ZCCHC7: variants seen among roughly 807,000 people sequenced by gnomAD.
The protein encoded by ZCCHC7 is zinc finger CCHC domain-containing protein 7.
A neutral mutation model predicts 52.0 loss-of-function variants in ZCCHC7; 35 were observed. The ratio of observed to expected loss-of-function variants is 0.67; its 90% CI spans 0.51 to 0.89. The LOEUF (loss-of-function observed/expected upper bound fraction) is 0.89, where lower values mean the gene tolerates loss of function less well. Among genes scored for constraint, ZCCHC7 ranks in the 40% least tolerant of loss-of-function variants. The pLI is 0.00. For synonymous variants in ZCCHC7, 217 were observed against 221.5 expected, an observed-to-expected ratio of 0.98 and a Z score of 0.18; for missense variants, 574 against 649.1, an observed-to-expected ratio of 0.88 and a Z score of 1.26.
At chr9:37,225,806 A>G (rs1309821864) in intron 2 of ZCCHC7, among the ~76,000 whole-genome samples, 1 of 152,200 alleles carries the variant, frequency 6.6e-6, no homozygotes, top group Admixed American at 6.5e-5. Flanking sequence ...TCTTAATCCA[A>G]TTCAAGGACC....
intron 1 of ZCCHC7, among the ~76,000 whole-genome samples, chr9:37,123,781 A>T (rs1331520485): frequency 6.6e-6 from 1 of 152,238 alleles, no homozygotes. Context: ...TATTAAATAA[A>T]AAGGAAAGGA....
chr9:37,270,398 A>C lies in ZCCHC7; in HGVS notation c.611-31790A>C, dbSNP rs200593121. On this transcript the variant is annotated intron_variant, in intron 2 of 8. Transcript: ENST00000336755. ...CACATAAAGTCTTAGCATTGAAAAGACCTCCTAGGAGGCTGGGCGCGGTGG... is the reference window on the plus strand; with the variant it reads ...CACATAAAGTCTTAGCATTGAAAAGCCCTCCTAGGAGGCTGGGCGCGGTGG... Among the ~76,000 whole-genome samples, 13 of 151,872 alleles carry C rather than the reference A, an allele frequency of 8.6e-5. No individual in the cohort carries two copies. The East Asian group carries it at 2.3e-3, about 27-fold the overall frequency.
intron 2 of ZCCHC7, among the ~76,000 whole-genome samples, chr9:37,132,623 C>T (rs1670761326): frequency 6.6e-6 from 1 of 151,450 alleles, no homozygotes; most frequent in Non-Finnish European, 1.5e-5. Context: ...CCCTCAGTGT[C>T]TGTGGGGGAT....
rs769329648 is a variant in ZCCHC7 at position 37,357,232 on chromosome 9, CTT to C, written c.1597_1598del (p.Leu533IlefsTer4). ...GCTGGGAAGATGATGACAATGATAACTTATTTCTTATTAAGCAGAGAAAAAAA... is the reference window on the plus strand; with the variant it reads ...GCTGGGAAGATGATGACAATGATAACATTTCTTATTAAGCAGAGAAAAAAA... ...RCWEDDDNDN[L>X]FLIKQRKKKS On this transcript the variant is annotated frameshift_variant, in exon 9 of 9. Transcript: ENST00000336755. LOFTEE classifies it high-confidence loss of function. The C allele has an allele frequency of 1.2e-6, 2 of 1,604,970 alleles. No homozygotes were observed. The highest frequency in any genetic ancestry group is 1.7e-6 in the Non-Finnish European group (2 of 1,177,720).
chr9:37,224,507 A>G (rs927875289), intron 2 of ZCCHC7, among the ~76,000 whole-genome samples: 6 of 152,212 alleles, frequency 3.9e-5, no homozygotes, highest in African/African-American at 1.4e-4. Flanking sequence ...ACAAAATAAA[A>G]TAATTGTTTA....
In ZCCHC7 at chr9:37,126,721, A is replaced by C; in HGVS notation, c.389A>C (p.Asp130Ala). ...TCTCTTCAATCTAATGAGCTGGTTG[A>C]TAAGAAATGCAAGAGTGATATTGAG... ...SSSLQSNELV[D>A]KKCKSDIEKP... The change falls in exon 2 of 9, where the codon GAT (aspartate) becomes GCT (alanine). Residue 130 changes from aspartate (D) to alanine (A), a missense_variant. Physicochemically the swap from Asp to Ala is moderately radical, Grantham distance 126. Coordinates refer to ENST00000336755, the MANE Select transcript of ZCCHC7 (RefSeq NM_032226.3). The C allele has an allele frequency of 6.2e-7, 1 of 1,614,178 alleles. No individual in the cohort carries two copies. Among genetic ancestry groups the C allele is most frequent in the African/African-American group, 1.3e-5 (1 of 75,062 alleles).
intron 2 of ZCCHC7, among the ~76,000 whole-genome samples, chr9:37,256,191 T>C (rs1433164934): frequency 6.6e-6 from 1 of 152,176 alleles, no homozygotes; most frequent in African/African-American, 2.4e-5. Context: ...AGGTCATGGA[T>C]CTTTGTTTTT....
chr9:37,289,668 G>A (rs1828437768), intron 2 of ZCCHC7, among the ~76,000 whole-genome samples: 1 of 152,152 alleles, frequency 6.6e-6, no homozygotes, highest in East Asian at 1.9e-4. Flanking sequence ...GATTCTTTGA[G>A]TTATAAGTCA....
At chr9:37,299,076 A>G (rs1828917611) in intron 2 of ZCCHC7, among the ~76,000 whole-genome samples, 1 of 152,236 alleles carries the variant, frequency 6.6e-6, no homozygotes, top group South Asian at 2.1e-4. Flanking sequence ...AAATTTGAAC[A>G]GAATCACAAT....
Position 37,181,508 on chromosome 9 carries a change from A to T in ZCCHC7, c.610+54566A>T, listed in dbSNP as rs1160608290. ...GATAAATTGACATACAAAATGTGGT[A>T]TATTCTTAAAATGGAATATTATTCA... is the stretch of plus-strand genomic sequence containing the variant. On this transcript the variant is annotated intron_variant, in intron 2 of 8. Transcript: ENST00000336755. Among the ~76,000 whole-genome samples, 3 of 152,364 alleles carry T rather than the reference A, an allele frequency of 2.0e-5. No individual in the cohort carries two copies. The East Asian group carries it at 5.8e-4, about 29-fold the overall frequency.
At chr9:37,214,141 T>C (rs1824383413) in intron 2 of ZCCHC7, among the ~76,000 whole-genome samples, 1 of 152,078 alleles carries the variant, frequency 6.6e-6, no homozygotes, top group African/African-American at 2.4e-5. Flanking sequence ...TGCATATCTA[T>C]GTGGCAAAGC....
intron 2 of ZCCHC7, among the ~76,000 whole-genome samples, chr9:37,291,234 G>A (rs558290881): frequency 6.6e-6 from 1 of 152,250 alleles, no homozygotes; most frequent in South Asian, 2.1e-4. Flanking sequence ...ACGTAGTCTA[G>A]GTACTAGAAC....
intron 2 of ZCCHC7, among the ~76,000 whole-genome samples, chr9:37,253,780 A>G (rs1485168671): frequency 6.6e-6 from 1 of 152,020 alleles, no homozygotes; most frequent in Non-Finnish European, 1.5e-5. Flanking sequence ...TTTATGATTC[A>G]CAAGTATAGA....
intron 2 of ZCCHC7, among the ~76,000 whole-genome samples, chr9:37,273,482 A>G (rs752394249): frequency 2.0e-5 from 3 of 152,212 alleles, no homozygotes; most frequent in African/African-American, 4.8e-5. Context: ...CAGCCTGGGC[A>G]ACAGAGCGAG....
At chr9:37,174,144 T>G (rs971291709) in intron 2 of ZCCHC7, among the ~76,000 whole-genome samples, 1 of 152,062 alleles carries the variant, frequency 6.6e-6, no homozygotes, top group African/African-American at 2.4e-5. Context: ...AAACCCCATC[T>G]CTACGAAAAA....
At chr9:37,208,536 G>A (rs1309257467) in intron 2 of ZCCHC7, among the ~76,000 whole-genome samples, 2 of 152,172 alleles carry the variant, frequency 1.3e-5, no homozygotes, top group Non-Finnish European at 2.9e-5. Context: ...ATGAGAATAG[G>A]TAATGTGTAA....
intron 2 of ZCCHC7, among the ~76,000 whole-genome samples, chr9:37,166,864 C>A (rs892665017): frequency 5.3e-5 from 8 of 152,144 alleles, no homozygotes; most frequent in Admixed American, 3.3e-4. Flanking sequence ...GTCCAGAGAT[C>A]TTTCTGTGGT....
intron 2 of ZCCHC7, among the ~76,000 whole-genome samples, chr9:37,154,032 G>A (rs997982681): frequency 6.6e-6 from 1 of 151,956 alleles, no homozygotes; most frequent in Non-Finnish European, 1.5e-5. Context: ...TGAGACCACA[G>A]GCATGCACCA....
rs370135658 is a variant in ZCCHC7, at chr9:37,345,965, TTTTGGTTTGG to T, written c.988-3371_988-3362del. 4.4e-3 allele frequency among the ~76,000 whole-genome samples: 667 copies of T among 152,132 alleles called. 2 individuals carry two copies. Among genetic ancestry groups the T allele is most frequent in the African/African-American group, 0.015 (636 of 41,522 alleles). ...AAGTTGTTTGAAGTAGTTTTTTTTG[TTTTGGTTTGG>T]TTTGGTTTGGTTTGGTTTGGGTTTG... On this transcript the variant is annotated intron_variant, in intron 6 of 8. Coordinates refer to ENST00000336755, the MANE Select transcript of ZCCHC7 (RefSeq NM_032226.3).
Sources: allele counts gnomAD v4.1 joint callset (sites outside exome capture counted in the v4.1 genomes callset), GRCh38; gene constraint gnomAD v4.1.1; transcripts MANE v1.5; gene names NCBI Gene and HGNC (gene_info 2026-07-23, HGNC 2026-07-21).